The following SMAD3 variants were observed in gnomAD, a reference collection of about 807,000 sequenced individuals.
SMAD3 encodes the protein MAD homolog 3.
SMAD3 carries 12 observed loss-of-function variants against 51.8 expected under a neutral mutation model. The ratio of observed to expected loss-of-function variants is 0.23; its 90% CI spans 0.15 to 0.38. SMAD3 has a LOEUF of 0.38. SMAD3 is among the 10% of genes least tolerant of loss of function. SMAD3 has a pLI of 1.00. For synonymous variants in SMAD3, 238 were observed against 227.7 expected (o/e 1.05, Z -0.41); for missense variants, 294 against 565.6 (o/e 0.52, Z 4.87).
Position 67,179,561 on chromosome 15 carries a change from C to A in SMAD3, c.659-1680C>A, listed in dbSNP as rs1962996901. Among the ~76,000 whole-genome samples the A allele has an allele frequency of 3.3e-5, 5 of 152,188 alleles. No homozygotes were observed. In the South Asian group the frequency reaches 1.0e-3, roughly 32 times the overall value. Reference sequence around the variant, plus strand: ...AGTGCAGGGGTGTTACTGGCCTGCCCCTTCGCCATTCGTGATAGTGTTCTC... The same window carrying A: ...AGTGCAGGGGTGTTACTGGCCTGCCACTTCGCCATTCGTGATAGTGTTCTC... On this transcript the variant is annotated intron_variant, in intron 5 of 8. Transcript: ENST00000327367.
chr15:67,121,717 A>G (rs7163381), intron 1 of SMAD3, among the ~76,000 whole-genome samples: 92,242 of 151,704 alleles, frequency 0.61, 30,111 homozygotes, highest in Middle Eastern at 0.76. Context: ...TTTCTAACAC[A>G]TCCATGTATG....
At chr15:67,137,076 C>T (rs781707367) in intron 1 of SMAD3, among the ~76,000 whole-genome samples, 1 of 152,228 alleles carries the variant, frequency 6.6e-6, no homozygotes, top group Non-Finnish European at 1.5e-5. Context: ...GTGACAAGTG[C>T]TCAACAGAGG....
chr15:67,066,731 T>C (rs569888036), intron 1 of SMAD3, among the ~76,000 whole-genome samples: 2 of 152,138 alleles, frequency 1.3e-5, no homozygotes, highest in Non-Finnish European at 2.9e-5. Context: ...CCGGAGCCCC[T>C]CCTCCGCCGC....
chr15:67,098,787 G>A (rs1960678442), intron 1 of SMAD3: 5 of 670,608 alleles, frequency 7.5e-6, no homozygotes, highest in East Asian at 5.4e-5. Flanking sequence ...AAGTGGGCAT[G>A]GAGGGTCCTA....
chr15:67,172,720 G>A (rs190019104), intron 5 of SMAD3, among the ~76,000 whole-genome samples: 2 of 152,216 alleles, frequency 1.3e-5, no homozygotes, highest in Non-Finnish European at 2.9e-5. Flanking sequence ...CACAGCTAGT[G>A]AATGGAGAAG....
At chr15:67,088,914 C>T (rs1960452482) in intron 1 of SMAD3, among the ~76,000 whole-genome samples, 1 of 152,032 alleles carries the variant, frequency 6.6e-6, no homozygotes, top group Non-Finnish European at 1.5e-5. Flanking sequence ...GCAACAGAGC[C>T]AGACTCTGTC....
In SMAD3 at chr15:67,065,644, C is replaced by T. The variant is rs1029334905; in HGVS notation, c.-511C>T. 6.6e-6 allele frequency among the ~76,000 whole-genome samples: 1 copy of T among 151,154 alleles called. No homozygotes were observed. The highest frequency in any genetic ancestry group is 1.5e-5 in the Non-Finnish European group (1 of 67,656). On this transcript the variant is annotated 5_prime_UTR_variant, in exon 1 of 9. In the 5' UTR this introduces an upstream ATG that the reference lacks. Coordinates refer to ENST00000327367, the MANE Select transcript of SMAD3 (RefSeq NM_005902.4). ...CGGGCGGGAGCGGGAGCGCGGCGCACGCCCCGGGCCGGCCCAGCCAGCGAG... is the reference window on the plus strand; with the variant it reads ...CGGGCGGGAGCGGGAGCGCGGCGCATGCCCCGGGCCGGCCCAGCCAGCGAG...
At chr15:67,110,421 A>G (rs893271790) in intron 1 of SMAD3, among the ~76,000 whole-genome samples, 8 of 152,208 alleles carry the variant, frequency 5.3e-5, no homozygotes, top group African/African-American at 1.9e-4. Flanking sequence ...TGGGTTTGAC[A>G]AAATAGAAGT....
chr15:67,127,390 G>A (rs1198615259), intron 1 of SMAD3, among the ~76,000 whole-genome samples: 1 of 152,158 alleles, frequency 6.6e-6, no homozygotes, highest in Non-Finnish European at 1.5e-5. Context: ...TCCCATCTGA[G>A]TCCTGTTCCT....
intron 1 of SMAD3, among the ~76,000 whole-genome samples, chr15:67,116,867 G>T (rs946428844): frequency 6.6e-6 from 1 of 152,206 alleles, no homozygotes; most frequent in African/African-American, 2.4e-5. Flanking sequence ...CCCATGATTA[G>T]TGACAATGGC....
intron 1 of SMAD3, among the ~76,000 whole-genome samples, chr15:67,113,725 C>T (rs1439138482): frequency 6.6e-6 from 1 of 152,208 alleles, no homozygotes; most frequent in Non-Finnish European, 1.5e-5. Flanking sequence ...TTTTCAGGGA[C>T]TGAAATATAA....
intron 8 of SMAD3, among the ~76,000 whole-genome samples, chr15:67,188,148 C>CTTTT (rs11367565): frequency 7.8e-5 from 9 of 115,968 alleles, no homozygotes; most frequent in East Asian, 2.9e-4. Flanking sequence ...TTTTCTTTTT[C>CTTTT]TTTTTTTTTT....
rs557480966 is a variant in SMAD3, at chr15:67,113,415, A to G, written c.206+47055A>G. Reference sequence around the variant, plus strand: ...TTAAAATATATTTTTCAAAATCTACATTGTTCAAAAAAAGAATCTGTGGTA... The same window carrying G: ...TTAAAATATATTTTTCAAAATCTACGTTGTTCAAAAAAAGAATCTGTGGTA... On this transcript the variant is annotated intron_variant, in intron 1 of 8. Transcript: ENST00000327367. Among the ~76,000 whole-genome samples, 153 of 152,254 alleles carry G rather than the reference A, an allele frequency of 1.0e-3. 1 individual carries two copies. The highest frequency in any genetic ancestry group is 3.3e-3 in the African/African-American group (137 of 41,540).
At position 67,122,588 on chromosome 15, in the gene SMAD3, G is replaced by T. The variant is rs187478368; in HGVS notation, c.207-42307G>T. Among the ~76,000 whole-genome samples the T allele has an allele frequency of 4.6e-3, 700 of 152,248 alleles. 6 individuals carry two copies. The highest frequency in any genetic ancestry group is 6.9e-3 in the Non-Finnish European group (467 of 68,004). The stretch of plus-strand genomic sequence containing the variant: ...TCCAGAGAGGTGAGGGGATGCTGAG[G>T]GTCTTGCATCTAGCTAAGAGCTGAG... On this transcript the variant is annotated intron_variant, in intron 1 of 8. Coordinates refer to ENST00000327367, the MANE Select transcript of SMAD3 (RefSeq NM_005902.4).
chr15:67,079,697 T>C (rs1206654459), intron 1 of SMAD3, among the ~76,000 whole-genome samples: 1 of 152,190 alleles, frequency 6.6e-6, no homozygotes, highest in Admixed American at 6.5e-5. Flanking sequence ...TATGTATTTA[T>C]GTTTACAGAG....
At chr15:67,118,256 T>C (rs2140240720) in intron 1 of SMAD3, among the ~76,000 whole-genome samples, 1 of 152,328 alleles carries the variant, frequency 6.6e-6, no homozygotes, top group South Asian at 2.1e-4. Flanking sequence ...AGTGAGGGCC[T>C]GTCCAGCCCA....
intron 1 of SMAD3, chr15:67,138,041 C>T: frequency 2.6e-6 from 4 of 1,551,642 alleles, no homozygotes; most frequent in Non-Finnish European, 3.5e-6. Flanking sequence ...CTTGCCTGCA[C>T]CCTAGGCAAA....
chr15:67,074,391 T>C (rs1960122242), intron 1 of SMAD3, among the ~76,000 whole-genome samples: 1 of 152,228 alleles, frequency 6.6e-6, no homozygotes, highest in African/African-American at 2.4e-5. Context: ...CTGTGGAAAA[T>C]GTTTGCTCAT....
chr15:67,147,943 A>G, intron 1 of SMAD3, among the ~76,000 whole-genome samples: 1 of 152,178 alleles, frequency 6.6e-6, no homozygotes, highest in East Asian at 1.9e-4. Context: ...AAAGAGTCAA[A>G]GTTCTGAAGT....
Sources: allele counts gnomAD v4.1 joint callset (sites outside exome capture counted in the v4.1 genomes callset), GRCh38; gene constraint gnomAD v4.1.1; transcripts MANE v1.5; gene names NCBI Gene and HGNC (gene_info 2026-07-23, HGNC 2026-07-21).